The following LMOD1 variants were observed in gnomAD, a reference collection of about 807,000 sequenced individuals.
LMOD1 encodes the protein leiomodin-1.
In LMOD1, 8 loss-of-function variants were observed where a neutral mutation model predicts 36.5. The observed-to-expected ratio is 0.22, with a 90% CI of 0.13 to 0.40. The LOEUF is 0.40. Ranked by LOEUF, LMOD1 falls within the 10% of genes least tolerant of loss-of-function variation. LMOD1 has a pLI of 1.00. For synonymous variants in LMOD1, 284 were observed against 288.7 expected, an observed-to-expected ratio of 0.98 and a Z score of 0.17; for missense variants, 630 against 751.1, an observed-to-expected ratio of 0.84 and a Z score of 1.88.
chr1:201,942,176 C>G (rs1682128167), intron 1 of LMOD1, among the ~76,000 whole-genome samples: 1 of 152,192 alleles, frequency 6.6e-6, no homozygotes, highest in African/African-American at 2.4e-5. Flanking sequence ...CCCCAATCCC[C>G]TGCTAACATT....
At chr1:201,921,288 G>C (rs1681698689) in intron 1 of LMOD1, among the ~76,000 whole-genome samples, 1 of 151,834 alleles carries the variant, frequency 6.6e-6, no homozygotes, top group Non-Finnish European at 1.5e-5. Context: ...AGGAGTTCGA[G>C]GCTAGCCTGG....
intron 1 of LMOD1, among the ~76,000 whole-genome samples, chr1:201,937,726 A>G (rs1001723457): frequency 6.6e-6 from 1 of 152,178 alleles, no homozygotes; most frequent in African/African-American, 2.4e-5. Context: ...AGATCATGCT[A>G]CTGCACTCCA....
intron 1 of LMOD1, among the ~76,000 whole-genome samples, chr1:201,920,820 G>A (rs1681692233): frequency 6.6e-6 from 1 of 151,828 alleles, no homozygotes; most frequent in South Asian, 2.1e-4. Context: ...CTTGAGCCCA[G>A]GAGTTTGAGA....
chr1:201,931,438 G>A (rs1403197428), intron 1 of LMOD1, among the ~76,000 whole-genome samples: 1 of 151,806 alleles, frequency 6.6e-6, no homozygotes, highest in East Asian at 1.9e-4. Flanking sequence ...AGGAGGCTGA[G>A]GCATGAGAAT....
intron 2 of LMOD1, among the ~76,000 whole-genome samples, chr1:201,898,675 CTT>C (rs1681234514): frequency 6.6e-6 from 1 of 152,192 alleles, no homozygotes; most frequent in Non-Finnish European, 1.5e-5. Flanking sequence ...CGATCGTGGA[CTT>C]TGTCACCCAG....
chr1:201,924,670 AAAGAAAGAAAGAAAGAAAG>A (rs1681789338), intron 1 of LMOD1, among the ~76,000 whole-genome samples: 1 of 5,102 alleles, frequency 2.0e-4, no homozygotes. Flanking sequence ...GAAAAAAAAG[AAAGAAAGAAAGAAAGAAAG>A]AAAGAAAGAA....
At chr1:201,938,523 C>T (rs1682058294) in intron 1 of LMOD1, among the ~76,000 whole-genome samples, 1 of 152,174 alleles carries the variant, frequency 6.6e-6, no homozygotes, top group Admixed American at 6.5e-5. Flanking sequence ...GCTGGATCTG[C>T]ACCCAGGTCT....
chr1:201,920,697 G>A (rs776792233), intron 1 of LMOD1, among the ~76,000 whole-genome samples: 7 of 152,164 alleles, frequency 4.6e-5, no homozygotes, highest in Non-Finnish European at 8.8e-5. Flanking sequence ...AGGAGGCCAA[G>A]TGGCCTCTAC....
intron 1 of LMOD1, among the ~76,000 whole-genome samples, chr1:201,905,327 A>G (rs1354021828): frequency 3.3e-5 from 5 of 152,196 alleles, no homozygotes; most frequent in Admixed American, 2.6e-4. Flanking sequence ...TTATGGCTAC[A>G]TGATGTTGCT....
At chr1:201,915,488 G>A (rs1386505034) in intron 1 of LMOD1, among the ~76,000 whole-genome samples, 1 of 151,936 alleles carries the variant, frequency 6.6e-6, no homozygotes, top group Non-Finnish European at 1.5e-5. Flanking sequence ...CTGCCTTGCC[G>A]ACCCCTGCAC....
At chr1:201,931,251 A>C (rs1247387181) in intron 1 of LMOD1, among the ~76,000 whole-genome samples, 1 of 152,186 alleles carries the variant, frequency 6.6e-6, no homozygotes. Context: ...AGAGAAACGG[A>C]AGGCCGGGTT....
intron 1 of LMOD1, among the ~76,000 whole-genome samples, chr1:201,933,518 T>C (rs1166562722): frequency 7.9e-6 from 1 of 126,780 alleles, no homozygotes; most frequent in East Asian, 2.7e-4. Context: ...TGAGCCTTTC[T>C]CTCTCTCTCT....
chr1:201,926,748 A>G (rs1162336968), intron 1 of LMOD1, among the ~76,000 whole-genome samples: 2 of 152,182 alleles, frequency 1.3e-5, no homozygotes, highest in East Asian at 3.9e-4. Flanking sequence ...AGGGAGCCGT[A>G]GCTCACAACT....
intron 1 of LMOD1, among the ~76,000 whole-genome samples, chr1:201,905,401 C>T (rs571356262): frequency 2.4e-4 from 37 of 152,338 alleles, no homozygotes; most frequent in Middle Eastern, 3.4e-3. Flanking sequence ...ATGGGCAGAG[C>T]ACAGCATTTT....
In LMOD1 at chr1:201,921,853, G is replaced by A. The variant is rs187152166; in HGVS notation, c.262-21102C>T. On this transcript the variant is annotated intron_variant, in intron 1 of 2. Transcript: ENST00000367288. ...TGGGCGCCTGTAGTCCCAGCTGCTC[G>A]GGAGGCTGAGGCAGGAGAATGGCGT... Among the ~76,000 whole-genome samples, 1,109 of 152,032 alleles carry A rather than the reference G, an allele frequency of 7.3e-3. 7 individuals carry two copies. Among genetic ancestry groups the A allele is most frequent in the Non-Finnish European group, 0.011 (735 of 67,990 alleles).
At chr1:201,924,403 AGCAAGGAAGGAGGGAGGAAG>A in intron 1 of LMOD1, among the ~76,000 whole-genome samples, 1 of 89,968 alleles carries the variant, frequency 1.1e-5, no homozygotes, top group Non-Finnish European at 2.2e-5. Context: ...GAAGGAAGGA[AGCAAGGAAGGAGGGAGGAAG>A]GGAAGGAAGG....
chr1:201,931,535 CA>C (rs11334173), intron 1 of LMOD1, among the ~76,000 whole-genome samples: 5,911 of 82,370 alleles, frequency 0.072, 137 homozygotes, highest in African/African-American at 0.19. Flanking sequence ...GAGACTCTGT[CA>C]AAAAAAAAAA....
intron 1 of LMOD1, among the ~76,000 whole-genome samples, chr1:201,901,946 T>C (rs1454311814): frequency 8.6e-5 from 11 of 127,662 alleles, no homozygotes; most frequent in Admixed American, 6.6e-4. Flanking sequence ...ATTATTATCA[T>C]TATTATTGTT....
chr1:201,936,494 C>A (rs1682021666), intron 1 of LMOD1, among the ~76,000 whole-genome samples: 1 of 152,184 alleles, frequency 6.6e-6, no homozygotes, highest in African/African-American at 2.4e-5. Context: ...GCTCCTTCCC[C>A]ACTCCTCCTG....
Sources: gnomAD v4.1 joint callset for allele counts (sites outside exome capture counted in the v4.1 genomes callset) on GRCh38, gnomAD v4.1.1 for gene constraint, MANE v1.5 for transcripts, NCBI Gene and HGNC (gene_info 2026-07-23, HGNC 2026-07-21) for gene names.